The following VPS13A variants were observed in gnomAD, a reference collection of about 807,000 sequenced individuals.
VPS13A encodes the protein intermembrane lipid transfer protein VPS13A.
Under a neutral mutation model 390.9 loss-of-function variants are expected in VPS13A, and 264 were observed. That is an observed-to-expected ratio of 0.68 (90% CI 0.61 to 0.75). The LOEUF is 0.75. Among genes scored for constraint, VPS13A ranks in the 30% least tolerant of loss-of-function variants. VPS13A has a pLI of 0.00. For synonymous variants in VPS13A, 1,231 were observed against 1,227.1 expected (o/e 1.00, Z -0.07); for missense variants, 3,409 against 3,733.9 (o/e 0.91, Z 2.27).
intron 54 of VPS13A, among the ~76,000 whole-genome samples, chr9:77,355,440 G>A (rs1485449548): frequency 6.6e-6 from 1 of 152,062 alleles, no homozygotes; most frequent in East Asian, 1.9e-4. Flanking sequence ...GCTTACATTG[G>A]CTAAATGCCT....
intron 68 of VPS13A, among the ~76,000 whole-genome samples, chr9:77,388,179 C>T (rs11145409): frequency 6.6e-6 from 1 of 152,264 alleles, no homozygotes; most frequent in East Asian, 1.9e-4. Flanking sequence ...GTGAAAATGT[C>T]AATTTATTCC....
Position 77,340,246 on chromosome 9 carries a change from A to C in VPS13A, c.6843A>C (p.Gly2281=). 1.9e-6 allele frequency: 3 copies of C among 1,613,324 alleles called. No homozygotes were observed. Among genetic ancestry groups the C allele is most frequent in the Non-Finnish European group, 2.5e-6 (3 of 1,179,642 alleles). Residue 2281 remains glycine (G), a synonymous_variant, in exon 49 of 72, where the codon GGA becomes GGC. Transcript: ENST00000360280. ...CAATTGATACTGTTGGTAGTCATGG[A>C]GCTGTTAAATGTAAAGGCCTGAAAA... ...QFSIDTVGSH[G]AVKCKGLKMD...
Position 77,351,458 on chromosome 9 carries a change from G to T in VPS13A, c.7419+12G>T. 6.2e-7 allele frequency: 1 copy of T among 1,612,038 alleles called. No homozygotes were observed. Among genetic ancestry groups the T allele is most frequent in the South Asian group, 1.1e-5 (1 of 91,060 alleles). On this transcript the variant is annotated intron_variant, in intron 53 of 71. Coordinates refer to ENST00000360280, the MANE Select transcript of VPS13A (RefSeq NM_033305.3). ...TAACACAGAAGGATGTAAGTATTGG[G>T]TTATTATGGTGTTCCCAGCAGCCTT...
At chr9:77,178,453 G>A (rs933920838) in intron 1 of VPS13A, among the ~76,000 whole-genome samples, 1 of 152,232 alleles carries the variant, frequency 6.6e-6, no homozygotes, top group Non-Finnish European at 1.5e-5. Flanking sequence ...AACTCAAACA[G>A]TTGCTTGTGT....
At chr9:77,209,086 C>A (rs10869910) in intron 5 of VPS13A, among the ~76,000 whole-genome samples, 2 of 152,014 alleles carry the variant, frequency 1.3e-5, no homozygotes, top group African/African-American at 4.8e-5. Flanking sequence ...TGCTTTGCTG[C>A]TGTTAGTGGA....
intron 23 of VPS13A, among the ~76,000 whole-genome samples, chr9:77,262,969 A>G (rs889015001): frequency 6.6e-6 from 1 of 152,202 alleles, no homozygotes; most frequent in African/African-American, 2.4e-5. Flanking sequence ...TTGCTGGGTC[A>G]AATGGTATTT....
At chr9:77,218,644 C>CTTT (rs200685101) in intron 10 of VPS13A, among the ~76,000 whole-genome samples, 7 of 132,108 alleles carry the variant, frequency 5.3e-5, no homozygotes, top group African/African-American at 1.4e-4. Context: ...AGAACATTGC[C>CTTT]TTTTTTTTTT....
At chr9:77,219,153 T>C (rs1296636306) in intron 10 of VPS13A, among the ~76,000 whole-genome samples, 2 of 151,994 alleles carry the variant, frequency 1.3e-5, no homozygotes, top group Non-Finnish European at 2.9e-5. Flanking sequence ...TAAATTTATT[T>C]ATTTCTTCTG....
At position 77,275,496 on chromosome 9, in the gene VPS13A, A is replaced by T. The variant is rs1037030970; in HGVS notation, c.2513-2A>T. On this transcript the variant is annotated splice_acceptor_variant, in intron 24 of 71. Coordinates refer to ENST00000360280, the MANE Select transcript of VPS13A (RefSeq NM_033305.3). LOFTEE classifies it high-confidence loss of function. ...ACTTAAATAATGTTCTGTGAAATGTAGATTCAGAGGAGGAATTTTTTGATG... is the reference window on the plus strand; with the variant it reads ...ACTTAAATAATGTTCTGTGAAATGTTGATTCAGAGGAGGAATTTTTTGATG... 1.2e-6 allele frequency: 2 copies of T among 1,613,160 alleles called. No individual in the cohort carries two copies. Among genetic ancestry groups the T allele is most frequent in the South Asian group, 2.2e-5 (2 of 91,058 alleles).
At chr9:77,377,140 A>G (rs1833124031) in intron 67 of VPS13A, among the ~76,000 whole-genome samples, 2 of 148,104 alleles carry the variant, frequency 1.4e-5, no homozygotes, top group South Asian at 4.3e-4. Flanking sequence ...AATGTTTTAT[A>G]GTTTGTAATG....
intron 22 of VPS13A, among the ~76,000 whole-genome samples, chr9:77,257,813 A>G (rs961060317): frequency 2.6e-5 from 4 of 152,088 alleles, no homozygotes; most frequent in African/African-American, 9.7e-5. Context: ...CAAAAACTCT[A>G]CTTGTTTCCT....
chr9:77,231,382 A>C (rs1034156789), intron 17 of VPS13A, among the ~76,000 whole-genome samples: 8 of 152,124 alleles, frequency 5.3e-5, no homozygotes, highest in Admixed American at 5.2e-4. Context: ...ATCATTTTAC[A>C]ATCCCACCAG....
chr9:77,177,928 C>A, intron 1 of VPS13A, 124 bp downstream of exon 1: 1 of 790,258 alleles, frequency 1.3e-6, no homozygotes, highest in Non-Finnish European at 2.0e-6. Context: ...CACCTGCCGC[C>A]GCCCGCCTGT....
At chr9:77,282,354 ATT>A in intron 29 of VPS13A, 80 bp downstream of exon 29, 1 of 1,286,976 alleles carries the variant, frequency 7.8e-7, no homozygotes, top group Non-Finnish European at 1.1e-6. Context: ...TGACTTTATT[ATT>A]AACTTCAAAT....
intron 17 of VPS13A, among the ~76,000 whole-genome samples, chr9:77,234,815 C>G (rs1001690548): frequency 2.6e-5 from 4 of 151,800 alleles, no homozygotes; most frequent in Non-Finnish European, 5.9e-5. Context: ...TTTCTTTTTC[C>G]AAACATATTT....
Position 77,314,010 on chromosome 9 carries a change from C to G in VPS13A, c.4133C>G (p.Ala1378Gly), listed in dbSNP as rs373395187. Residue 1378 changes from alanine (A) to glycine (G), a missense_variant, in exon 36 of 72, where the codon GCT (alanine) becomes GGT (glycine). Ala to Gly is a moderately conservative substitution (Grantham distance 60, BLOSUM62 0). Transcript: ENST00000360280. Reference sequence around the variant, plus strand: ...TTTCAAGGAGCAACTGTGGTGACAGCTGCTGTGGTAGAAGTACATTCACGT... The same window carrying G: ...TTTCAAGGAGCAACTGTGGTGACAGGTGCTGTGGTAGAAGTACATTCACGT... ...HHSGGATVVT[A>G]AVVEVHSRAL... The G allele has an allele frequency of 1.2e-6, 2 of 1,612,946 alleles. No individual in the cohort carries two copies. Among genetic ancestry groups the G allele is most frequent in the South Asian group, 2.2e-5 (2 of 90,980 alleles).
intron 67 of VPS13A, among the ~76,000 whole-genome samples, chr9:77,374,737 T>G (rs1001479263): frequency 6.6e-6 from 1 of 152,186 alleles, no homozygotes; most frequent in Non-Finnish European, 1.5e-5. Flanking sequence ...AAATGAAATT[T>G]AGTGTAAGGG....
intron 44 of VPS13A, among the ~76,000 whole-genome samples, chr9:77,322,201 T>G (rs2889772): frequency 0.063 from 9,607 of 151,984 alleles, 395 homozygotes; most frequent in South Asian, 0.12. Flanking sequence ...AATGGTTTTT[T>G]TTTTTTTATG....
chr9:77,254,275 C>G (rs533378935), intron 22 of VPS13A, among the ~76,000 whole-genome samples: 56 of 152,308 alleles, frequency 3.7e-4, no homozygotes, highest in African/African-American at 1.3e-3. Context: ...CTCATTTCCT[C>G]TATACAATTT....
Sources: allele counts gnomAD v4.1 joint callset (sites outside exome capture counted in the v4.1 genomes callset), GRCh38; gene constraint gnomAD v4.1.1; transcripts MANE v1.5; gene names NCBI Gene and HGNC (gene_info 2026-07-23, HGNC 2026-07-21).